The following KCNH5 variants were observed in gnomAD, a reference collection of about 807,000 sequenced individuals.
The protein encoded by KCNH5 is voltage-gated delayed rectifier potassium channel KCNH5.
In KCNH5, 46 loss-of-function variants were observed where a neutral mutation model predicts 96.1. That is an observed-to-expected ratio of 0.48 (90% CI 0.38 to 0.61). The LOEUF is 0.61. Among genes scored for constraint, KCNH5 ranks in the 20% least tolerant of loss-of-function variants. KCNH5 has a pLI of 0.00. For missense variants in KCNH5, 907 were observed against 1,225.8 expected, an observed-to-expected ratio of 0.74 and a Z score of 3.88; for synonymous variants, 439 against 449.8, an observed-to-expected ratio of 0.98 and a Z score of 0.30.
chr14:62,984,052 A>G (rs1890660877), intron 5 of KCNH5, among the ~76,000 whole-genome samples: 1 of 152,220 alleles, frequency 6.6e-6, no homozygotes, highest in African/African-American at 2.4e-5. Context: ...GCAAAGCACT[A>G]CTAATCTTCA....
chr14:62,883,861 T>A (rs191561087), intron 7 of KCNH5, among the ~76,000 whole-genome samples: 72 of 152,224 alleles, frequency 4.7e-4, no homozygotes, highest in Admixed American at 1.6e-3. Context: ...GAGTTAAGAA[T>A]CTTTAAGCCA....
At chr14:63,016,382 A>T (rs572260980) in intron 2 of KCNH5, among the ~76,000 whole-genome samples, 1 of 152,202 alleles carries the variant, frequency 6.6e-6, no homozygotes, top group East Asian at 1.9e-4. Context: ...TGTGGCTTAC[A>T]CAGGATATAA....
chr14:63,022,673 C>T (rs1328417200), intron 1 of KCNH5, among the ~76,000 whole-genome samples: 3 of 152,058 alleles, frequency 2.0e-5, no homozygotes, highest in Non-Finnish European at 4.4e-5. Context: ...AAGCCAAGTT[C>T]TCTCCCAGCA....
chr14:62,763,115 A>G (rs1414595250), intron 10 of KCNH5, among the ~76,000 whole-genome samples: 2 of 152,180 alleles, frequency 1.3e-5, no homozygotes, highest in African/African-American at 4.8e-5. Context: ...CACATAACAC[A>G]TACTCTAAAA....
Position 62,873,334 on chromosome 14 carries a change from C to G in KCNH5, c.1370-23482G>C, listed in dbSNP as rs1176957334. Among the ~76,000 whole-genome samples the G allele has an allele frequency of 5.3e-5, 8 of 152,098 alleles. 1 individual carries two copies. Among genetic ancestry groups the G allele is most frequent in the Admixed American group, 4.6e-4 (7 of 15,260 alleles). ...TTAAAAATAGAGGATACATGAAGGA[C>G]AGCTCTTTATATTGTTACCAATGCA... On this transcript the variant is annotated intron_variant, in intron 7 of 10. Coordinates refer to ENST00000322893, the MANE Select transcript of KCNH5 (RefSeq NM_139318.5).
At chr14:62,945,675 G>A (rs1566717303) in intron 7 of KCNH5, among the ~76,000 whole-genome samples, 1 of 151,994 alleles carries the variant, frequency 6.6e-6, no homozygotes, top group East Asian at 1.9e-4. Context: ...GCATTGAGGT[G>A]TTTTTTTATA....
intron 7 of KCNH5, among the ~76,000 whole-genome samples, chr14:62,892,855 AC>A (rs919725571): frequency 1.1e-4 from 16 of 152,020 alleles, no homozygotes; most frequent in Middle Eastern, 3.4e-3. Context: ...GACCTGGTGT[AC>A]CCCCCCAAAA....
intron 10 of KCNH5, among the ~76,000 whole-genome samples, chr14:62,756,848 T>G (rs1180626085): frequency 6.6e-6 from 1 of 152,214 alleles, no homozygotes. Flanking sequence ...ATGAATGTAC[T>G]GAAAGAAAAC....
At chr14:62,714,909 C>A (rs756760500) in intron 10 of KCNH5, among the ~76,000 whole-genome samples, 6 of 152,124 alleles carry the variant, frequency 3.9e-5, no homozygotes, top group Non-Finnish European at 8.8e-5. Context: ...AATTTAAAAA[C>A]CAGAAATCAG....
intron 10 of KCNH5, among the ~76,000 whole-genome samples, chr14:62,751,005 A>G (rs1477840813): frequency 1.3e-5 from 2 of 152,136 alleles, no homozygotes; most frequent in African/African-American, 4.8e-5. Context: ...TAACTTGTAT[A>G]TAAGAATGAT....
chr14:62,977,474 G>A (rs898932670), intron 6 of KCNH5, among the ~76,000 whole-genome samples: 7 of 152,108 alleles, frequency 4.6e-5, no homozygotes, highest in Non-Finnish European at 5.9e-5. Context: ...AATAGTGAGC[G>A]AAAGTAGAAA....
In KCNH5 at chr14:62,711,951, G is replaced by T. The variant is rs188372722; in HGVS notation, c.2020-3496C>A. Among the ~76,000 whole-genome samples, 529 of 152,276 alleles carry T rather than the reference G, an allele frequency of 3.5e-3. 3 individuals are homozygous for T. Among genetic ancestry groups the T allele is most frequent in the Non-Finnish European group, 6.2e-3 (420 of 68,016 alleles). On this transcript the variant is annotated intron_variant, in intron 10 of 10. Transcript: ENST00000322893. ...TCAAAAGCCAACACTCTGAGGAGTG[G>T]CTACAGGCCCTCCAGATCTCAGACA...
rs1884416921 is a variant in KCNH5, at chr14:62,705,695, A to T, written c.*1813T>A. 6.6e-6 allele frequency: 1 copy of T among 152,080 alleles called. No individual in the cohort carries two copies. Among genetic ancestry groups the T allele is most frequent in the East Asian group, 1.9e-4 (1 of 5,196 alleles). The allele number at this position is 152,080 out of a possible 1,614,324, so 9.4% of individuals were successfully genotyped here. A position where few individuals can be genotyped will look rare whatever the true frequency, so the allele number is the denominator to read the frequency against. On this transcript the variant is annotated 3_prime_UTR_variant, in exon 11 of 11. Transcript: ENST00000322893. ...CATGTGAAGTTCAATAGAAATTCTA[A>T]AATAGCAACTGTTTTTATAAATCAC...
At chr14:63,018,258 C>T (rs1359149493) in intron 1 of KCNH5, among the ~76,000 whole-genome samples, 1 of 151,774 alleles carries the variant, frequency 6.6e-6, no homozygotes, top group African/African-American at 2.4e-5. Flanking sequence ...TGTGAAAGAG[C>T]TCAAGCAGAA....
At chr14:62,901,332 G>A (rs1480608002) in intron 7 of KCNH5, among the ~76,000 whole-genome samples, 2 of 151,938 alleles carry the variant, frequency 1.3e-5, no homozygotes, top group Non-Finnish European at 2.9e-5. Flanking sequence ...CCATCACCCA[G>A]ATACCGAGGA....
intron 6 of KCNH5, among the ~76,000 whole-genome samples, chr14:62,952,823 A>C (rs1038144177): frequency 3.9e-5 from 6 of 152,130 alleles, no homozygotes; most frequent in Non-Finnish European, 5.9e-5. Flanking sequence ...ATCTCTAGCA[A>C]GCAGATTGCT....
At chr14:62,916,097 C>T (rs1018313771) in intron 7 of KCNH5, among the ~76,000 whole-genome samples, 5 of 151,196 alleles carry the variant, frequency 3.3e-5, no homozygotes, top group Non-Finnish European at 5.9e-5. Context: ...GGACTACAGG[C>T]GCCCGCCACT....
At chr14:62,744,783 T>G (rs1885341625) in intron 10 of KCNH5, among the ~76,000 whole-genome samples, 1 of 152,070 alleles carries the variant, frequency 6.6e-6, no homozygotes, top group South Asian at 2.1e-4. Flanking sequence ...ATTCAGAGGG[T>G]TCTGGGAAAA....
intron 10 of KCNH5, among the ~76,000 whole-genome samples, chr14:62,773,662 A>G (rs1300519519): frequency 2.6e-5 from 4 of 152,236 alleles, no homozygotes; most frequent in African/African-American, 9.6e-5. Flanking sequence ...TTAAATAGTC[A>G]ATCTGGAGAA....
Sources: gnomAD v4.1 joint callset for allele counts (sites outside exome capture counted in the v4.1 genomes callset) on GRCh38, gnomAD v4.1.1 for gene constraint, MANE v1.5 for transcripts, NCBI Gene and HGNC (gene_info 2026-07-23, HGNC 2026-07-21) for gene names.